Variants in PTGES3 observed in about 807,000 individuals in gnomAD.
The protein encoded by PTGES3 is prostaglandin E synthase 3.
Under a neutral mutation model 29.9 loss-of-function variants are expected in PTGES3, and 5 were observed. The observed-to-expected ratio is 0.17, with a 90% confidence interval of 0.09 to 0.35. PTGES3 has a LOEUF of 0.35. Ranked by LOEUF, PTGES3 falls within the 10% of genes least tolerant of loss-of-function variation. The pLI is 1.00. For missense variants in PTGES3, 128 were observed against 190.0 expected, an observed-to-expected ratio of 0.67 and a Z score of 1.92; for synonymous variants, 49 against 57.8, an observed-to-expected ratio of 0.85 and a Z score of 0.69.
chr12:56,672,674 A>G, intron 3 of PTGES3, 66 bp downstream of exon 3: 1 of 1,473,624 alleles, frequency 6.8e-7, no homozygotes, highest in Non-Finnish European at 9.0e-7. Flanking sequence ...TCATTGCTAA[A>G]AAGAATACTT....
chr12:56,677,004 G>A (rs1269664251), intron 1 of PTGES3, among the ~76,000 whole-genome samples: 3 of 150,788 alleles, frequency 2.0e-5, no homozygotes, highest in South Asian at 2.1e-4. Context: ...GGGAGGCTGA[G>A]GTGAGCAGGT....
At chr12:56,680,269 G>A (rs1311798360) in intron 1 of PTGES3, among the ~76,000 whole-genome samples, 1 of 151,762 alleles carries the variant, frequency 6.6e-6, no homozygotes, top group Admixed American at 6.6e-5. Flanking sequence ...TAGAGATGAG[G>A]TTTTGCAATA....
At chr12:56,664,613 T>G in intron 7 of PTGES3, 115 bp from the exon 8 acceptor site, 1 of 1,378,748 alleles carries the variant, frequency 7.3e-7, no homozygotes, top group Non-Finnish European at 1.0e-6. Flanking sequence ...AATGAATTAA[T>G]AGGTTGTCTT....
chr12:56,681,109 CAG>C (rs1371461812), intron 1 of PTGES3, among the ~76,000 whole-genome samples: 1 of 151,954 alleles, frequency 6.6e-6, no homozygotes, highest in African/African-American at 2.4e-5. Context: ...TTTGTTTGGA[CAG>C]AGTTTTTGCT....
At chr12:56,674,582 T>A (rs978713772) in intron 1 of PTGES3, among the ~76,000 whole-genome samples, 3 of 151,794 alleles carry the variant, frequency 2.0e-5, no homozygotes, top group Non-Finnish European at 4.4e-5. Context: ...ATCCCAGCAC[T>A]TTGGGAGGCC....
At chr12:56,687,658 C>A in intron 1 of PTGES3, 1 of 1,221,256 alleles carries the variant, frequency 8.2e-7, no homozygotes, top group South Asian at 2.2e-5. Flanking sequence ...CGAAGGTTCA[C>A]GCTTCAGGGC....
At chr12:56,666,692 A>G (rs1424011731) in intron 5 of PTGES3, among the ~76,000 whole-genome samples, 2 of 151,708 alleles carry the variant, frequency 1.3e-5, no homozygotes, top group East Asian at 3.9e-4. Flanking sequence ...TGGTGGCGTG[A>G]TCTCAGCTCA....
intron 1 of PTGES3, among the ~76,000 whole-genome samples, chr12:56,677,240 G>A (rs552135310): frequency 1.0e-3 from 144 of 142,540 alleles, no homozygotes; most frequent in African/African-American, 3.9e-3. Context: ...CTCCTTCTCC[G>A]CACCACCCAA....
At chr12:56,675,300 A>G (rs1020068250) in intron 1 of PTGES3, among the ~76,000 whole-genome samples, 22 of 151,784 alleles carry the variant, frequency 1.4e-4, no homozygotes, top group Non-Finnish European at 3.2e-4. Context: ...ACTCTGTCTC[A>G]AAAAAGAAAA....
At chr12:56,666,815 C>T (rs954089070) in intron 5 of PTGES3, among the ~76,000 whole-genome samples, 8 of 151,962 alleles carry the variant, frequency 5.3e-5, no homozygotes, top group African/African-American at 1.9e-4. Flanking sequence ...TTGGTACACA[C>T]GGGGTTTCAC....
chr12:56,688,066 A>G lies in PTGES3; in HGVS notation c.-67T>C. The G allele has an allele frequency of 6.9e-7, 1 of 1,458,746 alleles. No individual in the cohort carries two copies. The highest frequency in any genetic ancestry group is 2.7e-5 in the East Asian group (1 of 36,622). The allele number at this position is 1,458,746 out of a possible 1,614,324, so 90.4% of individuals were successfully genotyped here. ...TCTCTGGCGGCGGCTGCTGCTAGGGAGTCGACTTCTCTCCGGTGGCGACTC... is the reference window on the plus strand; with the variant it reads ...TCTCTGGCGGCGGCTGCTGCTAGGGGGTCGACTTCTCTCCGGTGGCGACTC... On this transcript the variant is annotated 5_prime_UTR_variant, in exon 1 of 8. Transcript: ENST00000262033.
At chr12:56,673,159 G>A in intron 1 of PTGES3, 94 bp from the exon 2 acceptor site, 3 of 753,806 alleles carry the variant, frequency 4.0e-6, no homozygotes, top group East Asian at 2.9e-5. Flanking sequence ...TTATTTCAGG[G>A]CAGTTTGTTA....
At chr12:56,687,587 C>T in intron 1 of PTGES3, 2 of 1,062,288 alleles carry the variant, frequency 1.9e-6, no homozygotes, top group Non-Finnish European at 2.3e-6. Context: ...CGACTCAGGG[C>T]CTGGCCCCGG....
rs1256626574 is a variant in PTGES3, at chr12:56,679,662, A to G, written c.3-6597T>C. ...TAAAGCTAAACTCAGCCCCCTCTCC[A>G]TATGTTTTGGGTTTGTTTTTTTAGA... On this transcript the variant is annotated intron_variant, in intron 1 of 7. Coordinates refer to ENST00000262033, the MANE Select transcript of PTGES3 (RefSeq NM_006601.7). 3.9e-5 allele frequency among the ~76,000 whole-genome samples: 6 copies of G among 152,092 alleles called. No individual in the cohort carries two copies. In the East Asian group the frequency reaches 7.7e-4, roughly 20 times the overall value.
At chr12:56,681,380 T>C (rs1325842339) in intron 1 of PTGES3, among the ~76,000 whole-genome samples, 2 of 147,334 alleles carry the variant, frequency 1.4e-5, no homozygotes, top group East Asian at 2.0e-4. Flanking sequence ...CTACTAAAAA[T>C]ACAAAAAATT....
At chr12:56,670,519 G>C in intron 4 of PTGES3, 155 bp from the exon 5 acceptor site, 1 of 609,620 alleles carries the variant, frequency 1.6e-6, no homozygotes, top group Admixed American at 2.7e-5. Context: ...TCCCACTATT[G>C]ATCAATATGT....
intron 2 of PTGES3, 21 bp downstream of exon 2, chr12:56,672,931 T>G: frequency 6.3e-7 from 1 of 1,582,508 alleles, no homozygotes; most frequent in South Asian, 1.2e-5. Flanking sequence ...TTTACATCAT[T>G]GGATAAAAAG....
intron 5 of PTGES3, among the ~76,000 whole-genome samples, chr12:56,668,267 A>AT (rs1387558601): frequency 6.6e-6 from 1 of 152,238 alleles, no homozygotes; most frequent in Non-Finnish European, 1.5e-5. Flanking sequence ...CTCCAAAAGC[A>AT]CTACTCAATA....
intron 6 of PTGES3, 114 bp downstream of exon 6, chr12:56,666,087 CTTT>C (rs542812831): frequency 5.1e-6 from 7 of 1,383,312 alleles, no homozygotes; most frequent in Non-Finnish European, 5.7e-6. Context: ...TTTCCCTTTT[CTTT>C]TTTTTTAGAA....
Sources: allele counts gnomAD v4.1 joint callset (sites outside exome capture counted in the v4.1 genomes callset), GRCh38; gene constraint gnomAD v4.1.1; transcripts MANE v1.5; gene names NCBI Gene and HGNC (gene_info 2026-07-23, HGNC 2026-07-21).